The following ALG9 variants were observed in gnomAD, a reference collection of about 807,000 sequenced individuals.
ALG9 encodes the protein ALG9 alpha-1,2-mannosyltransferase.
A neutral mutation model predicts 81.8 loss-of-function variants in ALG9; 55 were observed. The observed-to-expected ratio is 0.67, with a 90% CI of 0.54 to 0.84. ALG9 has a LOEUF of 0.84. ALG9 is among the 40% of genes least tolerant of loss of function. The probability of loss-of-function intolerance (pLI) is 0.00; values close to 1 mark genes in which losing one functional copy is unlikely to be tolerated. For synonymous variants in ALG9, 278 were observed against 274.3 expected, an observed-to-expected ratio of 1.01 and a Z score of -0.13; for missense variants, 629 against 745.0, an observed-to-expected ratio of 0.84 and a Z score of 1.81.
intron 13 of ALG9, among the ~76,000 whole-genome samples, chr11:111,816,768 G>A (rs575239761): frequency 3.3e-5 from 5 of 152,160 alleles, no homozygotes; most frequent in Admixed American, 2.6e-4. Context: ...CTAACTTTTC[G>A]AGGTCAGTCT....
At chr11:111,851,158 C>T (rs910614705) in intron 8 of ALG9, among the ~76,000 whole-genome samples, 1 of 152,134 alleles carries the variant, frequency 6.6e-6, no homozygotes, top group Non-Finnish European at 1.5e-5. Context: ...TTCCTACTTT[C>T]CCTACCACCC....
In ALG9 at chr11:111,844,785, T is replaced by C. The variant is rs544014782; in HGVS notation, c.896-62A>G. The C allele has an allele frequency of 2.9e-5, 45 of 1,555,194 alleles. No homozygotes were observed. In the South Asian group the frequency reaches 5.0e-4, roughly 17 times the overall value. Reference sequence around the variant, plus strand: ...TGCCTTTAACACCTATTACGGTGCTTGACATATAATGTTCTTTGTTGGAAT... The same window carrying C: ...TGCCTTTAACACCTATTACGGTGCTCGACATATAATGTTCTTTGTTGGAAT... On this transcript the variant is annotated intron_variant, in intron 8 of 14. Transcript: ENST00000616540.
chr11:111,827,882 A>C (rs1555110070), intron 13 of ALG9, among the ~76,000 whole-genome samples: 2 of 149,968 alleles, frequency 1.3e-5, no homozygotes, highest in Admixed American at 6.7e-5. Context: ...AAAAAAAAAA[A>C]AGGTGCCTAA....
chr11:111,836,767 T>C (rs1955362649), intron 12 of ALG9: 1 of 179,094 alleles, frequency 5.6e-6, no homozygotes, highest in Non-Finnish European at 1.2e-5. Flanking sequence ...AAGGCTAAAG[T>C]CAACACTTAA....
intron 12 of ALG9, 102 bp from the exon 13 acceptor site, chr11:111,836,396 T>C: frequency 6.7e-7 from 1 of 1,486,238 alleles, no homozygotes; most frequent in Non-Finnish European, 9.2e-7. Context: ...AACATTTCTC[T>C]TGAAGAAAAA....
chr11:111,821,925 C>T (rs552746833), intron 13 of ALG9, among the ~76,000 whole-genome samples: 218 of 152,226 alleles, frequency 1.4e-3, no homozygotes, highest in African/African-American at 4.7e-3. Context: ...TGAGCCACCA[C>T]GCCCGGCTAC....
chr11:111,780,274 T>C (rs1235243683), downstream of ALG9, among the ~76,000 whole-genome samples: 1 of 152,216 alleles, frequency 6.6e-6, no homozygotes, highest in Non-Finnish European at 1.5e-5. Flanking sequence ...CCTTCTAAAA[T>C]GCTTTTGTAA....
At chr11:111,839,474 A>AC (rs1955864111) in intron 10 of ALG9, among the ~76,000 whole-genome samples, 1 of 150,742 alleles carries the variant, frequency 6.6e-6, no homozygotes, top group Admixed American at 6.6e-5. Context: ...AGTCCCAGCT[A>AC]CCCGGGGGAC....
At chr11:111,801,677 A>G (rs1227934833) in intron 14 of ALG9, among the ~76,000 whole-genome samples, 2 of 152,188 alleles carry the variant, frequency 1.3e-5, no homozygotes, top group Admixed American at 6.5e-5. Context: ...TCTTCACTAT[A>G]CTTTACACAT....
At chr11:111,832,626 G>A (rs782031411) in intron 13 of ALG9, among the ~76,000 whole-genome samples, 5 of 151,954 alleles carry the variant, frequency 3.3e-5, no homozygotes, top group East Asian at 1.9e-4. Flanking sequence ...CCCTAACTCC[G>A]TTTTCCCAAT....
At chr11:111,799,814 C>G (rs1403778451) in intron 14 of ALG9, among the ~76,000 whole-genome samples, 2 of 152,146 alleles carry the variant, frequency 1.3e-5, no homozygotes, top group African/African-American at 4.8e-5. Flanking sequence ...CAAATTCAAA[C>G]CAGCCAAAGA....
intron 13 of ALG9, among the ~76,000 whole-genome samples, chr11:111,833,694 C>G (rs1158423209): frequency 6.6e-6 from 1 of 152,196 alleles, no homozygotes; most frequent in African/African-American, 2.4e-5. Flanking sequence ...ATTCAAAGGG[C>G]TGGACACAGC....
Position 111,785,910 on chromosome 11 carries a change from A to G in ALG9, c.*487T>C. On this transcript the variant is annotated 3_prime_UTR_variant, in exon 15 of 15. Coordinates refer to ENST00000616540, the MANE Select transcript of ALG9 (RefSeq NM_024740.2). ...CAACTAGGCTGTGTTCATTTTCAGC[A>G]TGAGGATTTCAATAAGAAGGTCTGC... 2.5e-6 allele frequency: 1 copy of G among 392,484 alleles called. No individual in the cohort carries two copies. Among genetic ancestry groups the G allele is most frequent in the Non-Finnish European group, 5.0e-6 (1 of 200,054 alleles). 24.3% of individuals were successfully genotyped at this position (392,484 alleles called of 1,614,324 possible).
intron 14 of ALG9, among the ~76,000 whole-genome samples, chr11:111,788,936 T>C (rs1218073880): frequency 6.6e-6 from 1 of 152,198 alleles, no homozygotes; most frequent in Non-Finnish European, 1.5e-5. Flanking sequence ...ATAGTCATTG[T>C]ATATTTCTGG....
At chr11:111,774,177 G>C in the ALG9 span, among the ~76,000 whole-genome samples, 2 of 150,278 alleles carry the variant, frequency 1.3e-5, no homozygotes, top group Admixed American at 1.3e-4. Context: ...GGGAGTTTGA[G>C]ACCAGCCTGA....
At chr11:111,864,573 A>AC in intron 4 of ALG9, 2 of 552,286 alleles carry the variant, frequency 3.6e-6, no homozygotes, top group Non-Finnish European at 6.7e-6. Flanking sequence ...CATGTGCTGT[A>AC]ATATACGAAC....
downstream of ALG9, among the ~76,000 whole-genome samples, chr11:111,778,819 T>TTC (rs200380357): frequency 2.0e-4 from 30 of 149,358 alleles, no homozygotes; most frequent in African/African-American, 7.4e-4. Flanking sequence ...TTCTTTTCTT[T>TTC]TTTTTTTTTT....
chr11:111,792,013 G>A (rs563589729), intron 14 of ALG9, among the ~76,000 whole-genome samples: 1 of 152,322 alleles, frequency 6.6e-6, no homozygotes, highest in South Asian at 2.1e-4. Context: ...AACCCGGGAG[G>A]TGGAGGTCGC....
At chr11:111,824,470 C>G (rs1005865898) in intron 13 of ALG9, among the ~76,000 whole-genome samples, 1 of 152,128 alleles carries the variant, frequency 6.6e-6, no homozygotes, top group African/African-American at 2.4e-5. Context: ...GGATAGATAT[C>G]TTCCCTTTAG....
Sources: gnomAD v4.1 joint callset for allele counts (sites outside exome capture counted in the v4.1 genomes callset) on GRCh38, gnomAD v4.1.1 for gene constraint, MANE v1.5 for transcripts, NCBI Gene and HGNC (gene_info 2026-07-23, HGNC 2026-07-21) for gene names.